The following ROS1 variants were observed in gnomAD, a reference collection of about 807,000 sequenced individuals.
The protein encoded by ROS1 is proto-oncogene tyrosine-protein kinase ROS.
ROS1 carries 263 observed loss-of-function variants against 273.5 expected under a neutral mutation model. That is an observed-to-expected ratio of 0.96 (90% CI 0.87 to 1.06). The LOEUF (loss-of-function observed/expected upper bound fraction) is 1.06, where lower values mean the gene tolerates loss of function less well. Among genes scored for constraint, ROS1 ranks in the 50% least tolerant of loss-of-function variants. ROS1 has a pLI of 0.00. For missense variants in ROS1, 2,833 were observed against 2,751.1 expected (o/e 1.03, Z -0.67); for synonymous variants, 1,008 against 954.1 (o/e 1.06, Z -1.04).
chr6:117,375,048 C>T (rs1781198749), intron 18 of ROS1, among the ~76,000 whole-genome samples: 1 of 152,120 alleles, frequency 6.6e-6, no homozygotes. Context: ...TGGAACCAGT[C>T]CAAATGCCCA....
Position 117,386,877 on chromosome 6 carries a change from C to A in ROS1, c.2110+12G>T. 7.2e-7 allele frequency: 1 copy of A among 1,379,820 alleles called. No individual in the cohort carries two copies. Among genetic ancestry groups the A allele is most frequent in the South Asian group, 1.2e-5 (1 of 83,422 alleles). The allele number at this position is 1,379,820 out of a possible 1,614,324, so 85.5% of individuals were successfully genotyped here. A position where few individuals can be genotyped will look rare whatever the true frequency, so the allele number is the denominator to read the frequency against. Reference sequence around the variant, plus strand: ...ATCTGTCATTCAAGTGAACAGAGGACTTGGGGTTTACCTGACACATTTCCT... The same window carrying A: ...ATCTGTCATTCAAGTGAACAGAGGAATTGGGGTTTACCTGACACATTTCCT... On this transcript the variant is annotated intron_variant, in intron 15 of 43. Transcript: ENST00000368507.
At chr6:117,369,637 T>C (rs965460785) in intron 18 of ROS1, among the ~76,000 whole-genome samples, 1 of 152,156 alleles carries the variant, frequency 6.6e-6, no homozygotes, top group African/African-American at 2.4e-5. Flanking sequence ...TGGACTATGA[T>C]CCTTCAGGAC....
intron 18 of ROS1, among the ~76,000 whole-genome samples, chr6:117,372,627 C>CCA (rs1780905236): frequency 6.6e-6 from 1 of 152,100 alleles, no homozygotes; most frequent in South Asian, 2.1e-4. Context: ...AAGCTGCAGA[C>CCA]CTTCGTGGTG....
intron 1 of ROS1, among the ~76,000 whole-genome samples, 178 bp from the exon 2 acceptor site, chr6:117,418,684 T>G (rs984906704): frequency 6.6e-6 from 1 of 152,208 alleles, no homozygotes; most frequent in African/African-American, 2.4e-5. Context: ...AAAATGCTGG[T>G]GCAAATTATA....
rs769075762 is a variant in ROS1, at chr6:117,356,662, ACT to A, written c.4091_4092del (p.Gln1364LeufsTer17). 2 of 1,614,058 alleles carry A rather than the reference ACT, an allele frequency of 1.2e-6. No individual in the cohort carries two copies. Among genetic ancestry groups the A allele is most frequent in the Non-Finnish European group, 1.7e-6 (2 of 1,179,944 alleles). ...EIWAMDLEGC[Q>X]CWRVITVPAM... ...GCAGGTACTGTGATAACTCTCCAAC[ACT>A]GACAGCCTTCCAGATCCATTGCCCA... On this transcript the variant is annotated frameshift_variant, in exon 26 of 44. Coordinates refer to ENST00000368507, the MANE Select transcript of ROS1 (RefSeq NM_001378902.1). LOFTEE classifies it high-confidence loss of function.
At chr6:117,402,770 C>CCCA (rs1562369996) in intron 7 of ROS1, among the ~76,000 whole-genome samples, 1 of 151,768 alleles carries the variant, frequency 6.6e-6, no homozygotes, top group Non-Finnish European at 1.5e-5. Flanking sequence ...ATGCCTGAGT[C>CCCA]CCAGCTGCTT....
chr6:117,396,995 G>C lies in ROS1; in HGVS notation c.726C>G (p.Ile242Met). Residue 242 changes from isoleucine (I) to methionine (M), a missense_variant, in exon 8 of 44, where the codon ATC becomes ATG. Coordinates refer to ENST00000368507, the MANE Select transcript of ROS1 (RefSeq NM_001378902.1). Reference sequence around the variant, plus strand: ...CTGCATCTAATTTTTGATTTTTGCTGATCAGCCTTAAGTTATAACCCAAAA... The same window carrying C: ...CTGCATCTAATTTTTGATTTTTGCTCATCAGCCTTAAGTTATAACCCAAAA... Reference protein sequence around the residue: ...GPILGYNLRLISKNQKLDAGT... With the variant: ...GPILGYNLRLMSKNQKLDAGT... 1 of 1,613,990 alleles carries C rather than the reference G, an allele frequency of 6.2e-7. No homozygotes were observed.
Position 117,394,699 on chromosome 6 carries a change from G to A in ROS1, c.923C>T (p.Thr308Ile), listed in dbSNP as rs757140194. ...EEQWLFLSRK[T>I]SLRKRSLKHL... ...TTTTAAAGATCTCTTTCTTAGAGAA[G>A]TTTTTCTGGATAAAAAGAGCCACTG... The change falls in exon 10 of 44, where the codon ACT becomes ATT. Residue 308 changes from threonine to isoleucine, a missense_variant. Thr to Ile is a moderately conservative substitution (Grantham distance 89). Coordinates refer to ENST00000368507, the MANE Select transcript of ROS1 (RefSeq NM_001378902.1). The A allele has an allele frequency of 1.4e-5, 23 of 1,611,606 alleles. No individual in the cohort carries two copies. The Middle Eastern group carries it at 4.9e-4, about 35-fold the overall frequency.
At chr6:117,328,380 G>C (rs1034835112) in intron 33 of ROS1, 6 of 283,298 alleles carry the variant, frequency 2.1e-5, no homozygotes, top group African/African-American at 1.1e-4. Context: ...TGTGTGACCT[G>C]ATTGATGAAC....
chr6:117,381,328 T>C (rs1314588215), intron 17 of ROS1, among the ~76,000 whole-genome samples: 1 of 151,974 alleles, frequency 6.6e-6, no homozygotes, highest in Admixed American at 6.6e-5. Flanking sequence ...AGTGCACCAG[T>C]CACCTGAGTA....
chr6:117,423,307 A>C (rs1388637856), intron 1 of ROS1, among the ~76,000 whole-genome samples: 3 of 152,200 alleles, frequency 2.0e-5, no homozygotes, highest in Non-Finnish European at 4.4e-5. Flanking sequence ...TAACTTATGG[A>C]AACATTAAAA....
chr6:117,362,499 T>A (rs1779885310), intron 22 of ROS1, 104 bp downstream of exon 22: 2 of 1,024,776 alleles, frequency 2.0e-6, no homozygotes, highest in Non-Finnish European at 2.8e-6. Flanking sequence ...AAAATCTAGG[T>A]ATGTGTGCCA....
At chr6:117,419,729 G>A (rs1775609643) in intron 1 of ROS1, among the ~76,000 whole-genome samples, 1 of 152,148 alleles carries the variant, frequency 6.6e-6, no homozygotes, top group Non-Finnish European at 1.5e-5. Flanking sequence ...GCAAAAGGGT[G>A]GATGCTGGGT....
chr6:117,346,542 C>T (rs1461323014), intron 27 of ROS1, among the ~76,000 whole-genome samples: 1 of 150,708 alleles, frequency 6.6e-6, no homozygotes, highest in Non-Finnish European at 1.5e-5. Context: ...GTGTGTGTGT[C>T]GTTCAACTTC....
At chr6:117,346,898 A>G (rs542844473) in intron 27 of ROS1, among the ~76,000 whole-genome samples, 1 of 149,968 alleles carries the variant, frequency 6.7e-6, no homozygotes, top group East Asian at 2.0e-4. Context: ...TGCTCTGTCT[A>G]TTCGCCACTT....
intron 18 of ROS1, among the ~76,000 whole-genome samples, chr6:117,367,613 G>T (rs1355187798): frequency 6.6e-6 from 1 of 152,152 alleles, no homozygotes; most frequent in Admixed American, 6.5e-5. Context: ...GCCCCACTGG[G>T]AATTAATGAA....
chr6:117,326,860 G>C (rs946819292), intron 33 of ROS1, among the ~76,000 whole-genome samples: 1 of 152,200 alleles, frequency 6.6e-6, no homozygotes, highest in Admixed American at 6.5e-5. Flanking sequence ...AAGTGTGACA[G>C]TTCAGCTACC....
chr6:117,412,775 G>T (rs1159277270), intron 4 of ROS1, among the ~76,000 whole-genome samples: 4 of 152,162 alleles, frequency 2.6e-5, no homozygotes, highest in African/African-American at 9.7e-5. Flanking sequence ...TATAATCACA[G>T]AAAACTGAGC....
chr6:117,324,443 T>C (rs1412252406), intron 34 of ROS1, 28 bp from the exon 35 acceptor site: 2 of 1,101,444 alleles, frequency 1.8e-6, no homozygotes, highest in Non-Finnish European at 2.7e-6. Flanking sequence ...AAAAAGAAAT[T>C]AATTCATAGA....
Sources: allele counts gnomAD v4.1 joint callset (sites outside exome capture counted in the v4.1 genomes callset), GRCh38; gene constraint gnomAD v4.1.1; transcripts MANE v1.5; gene names NCBI Gene and HGNC (gene_info 2026-07-23, HGNC 2026-07-21).